The following SANBR variants were observed in gnomAD, a reference collection of about 807,000 sequenced individuals.
The protein encoded by SANBR is SANT and BTB domain regulator of class switch recombination.
SANBR carries 77 observed loss-of-function variants against 101.8 expected under a neutral mutation model. The observed-to-expected ratio is 0.76, with a 90% CI of 0.63 to 0.91. The LOEUF is 0.91. Ranked by LOEUF, SANBR falls within the 40% of genes least tolerant of loss-of-function variation. SANBR has a pLI of 0.00. For synonymous variants in SANBR, 279 were observed against 274.7 expected (o/e 1.02, Z -0.15); for missense variants, 875 against 853.0 (o/e 1.03, Z -0.32).
intron 20 of SANBR, among the ~76,000 whole-genome samples, chr2:61,118,360 G>C (rs1253385072): frequency 6.6e-6 from 1 of 151,958 alleles, no homozygotes; most frequent in African/African-American, 2.4e-5. Context: ...TCCTCCCTCA[G>C]CCTCCCAAAT....
At chr2:61,088,779 A>G (rs896655749) in intron 10 of SANBR, 1 of 812,112 alleles carries the variant, frequency 1.2e-6, no homozygotes, top group South Asian at 5.6e-5. Flanking sequence ...TTGGCCTCCC[A>G]AAGTACTGGG....
At chr2:61,106,513 A>C (rs1683575400) in intron 13 of SANBR, 50 bp from the exon 14 acceptor site, 2 of 1,288,528 alleles carry the variant, frequency 1.6e-6, no homozygotes, top group African/African-American at 3.0e-5. Context: ...TCACATTTAA[A>C]TTTTTAAGAA....
intron 6 of SANBR, among the ~76,000 whole-genome samples, chr2:61,077,482 C>A (rs1005479344): frequency 1.3e-5 from 2 of 151,840 alleles, no homozygotes; most frequent in African/African-American, 4.8e-5. Context: ...CACTGTGTTG[C>A]TCAGATGGTA....
chr2:61,132,764 T>C (rs528598581), intron 20 of SANBR, among the ~76,000 whole-genome samples: 5 of 152,344 alleles, frequency 3.3e-5, no homozygotes, highest in African/African-American at 1.2e-4. Context: ...CAAATGTCTA[T>C]TGACTGATAA....
intron 6 of SANBR, among the ~76,000 whole-genome samples, chr2:61,080,243 T>A (rs182445409): frequency 6.6e-6 from 1 of 151,962 alleles, no homozygotes; most frequent in African/African-American, 2.4e-5. Context: ...CTGTTATCTT[T>A]GACCTTAAAT....
At chr2:61,136,913 T>C (rs888801270) in intron 21 of SANBR, among the ~76,000 whole-genome samples, 4 of 151,218 alleles carry the variant, frequency 2.6e-5, no homozygotes, top group African/African-American at 9.7e-5. Flanking sequence ...AAGGTTGCAG[T>C]GAGCCGAGAT....
intron 12 of SANBR, among the ~76,000 whole-genome samples, chr2:61,103,137 C>CT (rs398060223): frequency 0.1 from 13,814 of 134,898 alleles, 1,713 homozygotes; most frequent in African/African-American, 0.3. Flanking sequence ...ATTTTTCTTT[C>CT]TTTTTTTTTT....
intron 12 of SANBR, among the ~76,000 whole-genome samples, chr2:61,102,365 C>CAA (rs35795015): frequency 2.2e-4 from 13 of 59,416 alleles, no homozygotes; most frequent in East Asian, 1.0e-3. Flanking sequence ...GACTGTGTCT[C>CAA]AAAAAAAAAA....
At chr2:61,082,421 A>G (rs559157656) in intron 7 of SANBR, among the ~76,000 whole-genome samples, 1 of 152,306 alleles carries the variant, frequency 6.6e-6, no homozygotes, top group East Asian at 1.9e-4. Flanking sequence ...GTTGTAGAGG[A>G]TGGAAGGAAG....
chr2:61,100,660 G>A (rs1383890753), intron 12 of SANBR, among the ~76,000 whole-genome samples: 1 of 152,078 alleles, frequency 6.6e-6, no homozygotes, highest in Non-Finnish European at 1.5e-5. Flanking sequence ...TGCTTTTTCT[G>A]TTCTCTAAAA....
At chr2:61,090,074 C>T (rs1475938373) in intron 10 of SANBR, among the ~76,000 whole-genome samples, 1 of 152,064 alleles carries the variant, frequency 6.6e-6, no homozygotes, top group Non-Finnish European at 1.5e-5. Flanking sequence ...CATTTGATCC[C>T]AGGAGTTTGA....
intron 20 of SANBR, among the ~76,000 whole-genome samples, chr2:61,119,720 G>T (rs1216890774): frequency 6.6e-6 from 1 of 152,186 alleles, no homozygotes; most frequent in Admixed American, 6.5e-5. Flanking sequence ...CACTTTGGGA[G>T]GCCAAGGTGG....
chr2:61,137,067 G>A (rs1172163218), intron 21 of SANBR, among the ~76,000 whole-genome samples: 2 of 151,710 alleles, frequency 1.3e-5, no homozygotes, highest in South Asian at 2.1e-4. Context: ...TAGGAAGATC[G>A]CTTGAGAATG....
At chr2:61,111,721 C>A (rs1426618857) in intron 16 of SANBR, among the ~76,000 whole-genome samples, 1 of 152,210 alleles carries the variant, frequency 6.6e-6, no homozygotes, top group Admixed American at 6.5e-5. Context: ...TCCCTTTCTC[C>A]AGTTCTGCTC....
In SANBR at chr2:61,122,329, A is replaced by G; in HGVS notation, c.*167A>G. 8.0e-7 allele frequency: 1 copy of G among 1,248,910 alleles called. No homozygotes were observed. The highest frequency in any genetic ancestry group is 2.8e-5 in the South Asian group (1 of 35,810). 77.4% of individuals were successfully genotyped at this position (1,248,910 alleles called of 1,614,324 possible). Reference sequence around the variant, plus strand: ...AAGAAATGCATAGTTAGGTTTTATGAAAATCTAATTGTAAATATGAAACTT... The same window carrying G: ...AAGAAATGCATAGTTAGGTTTTATGGAAATCTAATTGTAAATATGAAACTT... On this transcript the variant is annotated 3_prime_UTR_variant, in exon 22 of 22. Transcript: ENST00000402291.
At chr2:61,084,288 T>C (rs1270663679) in intron 8 of SANBR, among the ~76,000 whole-genome samples, 2 of 152,200 alleles carry the variant, frequency 1.3e-5, no homozygotes, top group Non-Finnish European at 2.9e-5. Context: ...TTTAGAAATA[T>C]ATTTCTATTT....
At chr2:61,067,944 A>C (rs56750466) in intron 1 of SANBR, among the ~76,000 whole-genome samples, 4 of 152,358 alleles carry the variant, frequency 2.6e-5, no homozygotes, top group African/African-American at 9.6e-5. Flanking sequence ...CCCCATCTAT[A>C]CTTAAATGTT....
intron 5 of SANBR, among the ~76,000 whole-genome samples, chr2:61,075,977 T>C (rs149557426): frequency 6.6e-5 from 10 of 151,852 alleles, no homozygotes; most frequent in Admixed American, 6.6e-4. Context: ...GTATTATTTT[T>C]ATAAACTTTA....
chr2:61,114,183 G>A (rs1192457784), intron 16 of SANBR, among the ~76,000 whole-genome samples: 2 of 152,178 alleles, frequency 1.3e-5, no homozygotes, highest in African/African-American at 4.8e-5. Flanking sequence ...TATTATGCTT[G>A]TCTGTCTGGC....
Sources: gnomAD v4.1 joint callset for allele counts (sites outside exome capture counted in the v4.1 genomes callset) on GRCh38, gnomAD v4.1.1 for gene constraint, MANE v1.5 for transcripts, NCBI Gene and HGNC (gene_info 2026-07-23, HGNC 2026-07-21) for gene names.